Variants in ATP10A observed in about 807,000 individuals in gnomAD.
The protein encoded by ATP10A is ATPase phospholipid transporting 10A (putative), also known as phospholipid-transporting ATPase VA.
ATP10A carries 111 observed loss-of-function variants against 147.8 expected under a neutral mutation model. The observed-to-expected ratio is 0.75, with a 90% confidence interval of 0.64 to 0.88. The LOEUF is 0.88. ATP10A is among the 40% of genes least tolerant of loss of function. ATP10A has a pLI of 0.00. For synonymous variants in ATP10A, 875 were observed against 841.6 expected, an observed-to-expected ratio of 1.04 and a Z score of -0.69; for missense variants, 1,927 against 1,959.0, an observed-to-expected ratio of 0.98 and a Z score of 0.31.
At chr15:25,727,089 A>C (rs1902623689) in intron 4 of ATP10A, 71 bp downstream of exon 4, 1 of 1,185,264 alleles carries the variant, frequency 8.4e-7, no homozygotes, top group African/African-American at 1.6e-5. Context: ...AAAGAAAAGA[A>C]AACAGTGAGG....
At chr15:25,768,683 A>ATTTTTTTTTTTTTTT (rs143608940) in intron 2 of ATP10A, among the ~76,000 whole-genome samples, 1 of 89,646 alleles carries the variant, frequency 1.1e-5, no homozygotes, top group Non-Finnish European at 2.1e-5. Context: ...AGCTGGGCTA[A>ATTTTTTTTTTTTTTT]TTTTTTTTTT....
chr15:25,679,753 G>T lies in ATP10A; in HGVS notation c.4088C>A (p.Ser1363Tyr). 2 of 1,613,410 alleles carry T rather than the reference G, an allele frequency of 1.2e-6. No homozygotes were observed. Among genetic ancestry groups the T allele is most frequent in the Non-Finnish European group, 1.7e-6 (2 of 1,179,988 alleles). ...PSWHTQQPVC[S>Y]LEASGEPSTV... ...GCTGGGCTCCCCGCTGGCCTCCAGGGAGCAGACCGGCTGCTGTGTGTGCCA... is the reference window on the plus strand; with the variant it reads ...GCTGGGCTCCCCGCTGGCCTCCAGGTAGCAGACCGGCTGCTGTGTGTGCCA... Residue 1363 changes from serine to tyrosine, a missense_variant, in exon 21 of 21, where the codon TCC becomes TAC. By Grantham distance (144) the Ser-to-Tyr change is moderately radical (BLOSUM62 -2). Transcript: ENST00000555815.
At chr15:25,686,943 G>T (rs1899729304) in intron 16 of ATP10A, among the ~76,000 whole-genome samples, 2 of 108,292 alleles carry the variant, frequency 1.8e-5, no homozygotes, top group South Asian at 6.1e-4. Flanking sequence ...CAGCCAATCT[G>T]CCCTGGGTGT....
intron 2 of ATP10A, among the ~76,000 whole-genome samples, chr15:25,736,751 G>A (rs1887310101): frequency 6.6e-6 from 1 of 152,158 alleles, no homozygotes; most frequent in Non-Finnish European, 1.5e-5. Context: ...TAGGAGTGGG[G>A]GGAAGGAGGA....
intron 1 of ATP10A, among the ~76,000 whole-genome samples, chr15:25,846,186 CA>C (rs1893017626): frequency 6.6e-6 from 1 of 152,056 alleles, no homozygotes; most frequent in Admixed American, 6.5e-5. Flanking sequence ...TTCACGGGCA[CA>C]AAGTTTCCGT....
intron 2 of ATP10A, among the ~76,000 whole-genome samples, chr15:25,777,886 A>G (rs529432550): frequency 1.9e-4 from 28 of 148,598 alleles, no homozygotes; most frequent in African/African-American, 6.7e-4. Context: ...TGCTGGGATT[A>G]TGGGCGTGAG....
intron 12 of ATP10A, among the ~76,000 whole-genome samples, chr15:25,703,764 C>A (rs894746139): frequency 6.6e-6 from 1 of 152,234 alleles, no homozygotes; most frequent in African/African-American, 2.4e-5. Flanking sequence ...ATCACCAGCA[C>A]CCCAGAAGAC....
At chr15:25,748,979 C>T (rs186204192) in intron 2 of ATP10A, among the ~76,000 whole-genome samples, 174 of 145,348 alleles carry the variant, frequency 1.2e-3, no homozygotes, top group African/African-American at 4.1e-3. Flanking sequence ...GGGAGAATTG[C>T]TTGAAACTGA....
intron 14 of ATP10A, among the ~76,000 whole-genome samples, chr15:25,694,571 G>A (rs1311688059): frequency 6.6e-6 from 1 of 152,242 alleles, no homozygotes; most frequent in African/African-American, 2.4e-5. Context: ...GCTCCATCTT[G>A]TTGCCGTAAA....
chr15:25,723,776 A>G (rs1181787850), intron 6 of ATP10A, 115 bp downstream of exon 6: 31 of 892,918 alleles, frequency 3.5e-5, no homozygotes, highest in Non-Finnish European at 4.7e-5. Context: ...CCAGGTAGAT[A>G]TATTTGCCAT....
rs755831799 is a variant in ATP10A, at chr15:25,695,102, C to T, written c.2805G>A (p.Gln935=). 6.2e-7 allele frequency: 1 copy of T among 1,614,130 alleles called. No individual in the cohort carries two copies. Among genetic ancestry groups the T allele is most frequent in the Non-Finnish European group, 8.5e-7 (1 of 1,180,008 alleles). ...ALLDQCLCYV[Q]SRGLQRAPEK... ...CAGGGGCTCTCTGGAGGCCTCTGGA[C>T]TGCACGTAGCATAGGCACTGGTCTA... Residue 935 remains glutamine, a synonymous_variant, in exon 14 of 21, where the codon CAG becomes CAA. Transcript: ENST00000555815.
At position 25,828,103 on chromosome 15, in the gene ATP10A, T is replaced by C. The variant is rs900455112; in HGVS notation, c.449+34545A>G. ...AAAAGGTCAATCCATCAGAAGGCCA[T>C]AACAATTATAAGCAAAAATGAAGCT... On this transcript the variant is annotated intron_variant, in intron 1 of 20. Transcript: ENST00000555815. 3.3e-5 allele frequency among the ~76,000 whole-genome samples: 5 copies of C among 152,098 alleles called. No individual in the cohort carries two copies. In the East Asian group the frequency reaches 9.6e-4, roughly 29 times the overall value.
At chr15:25,813,931 T>C (rs1596940829) in intron 1 of ATP10A, among the ~76,000 whole-genome samples, 1 of 152,134 alleles carries the variant, frequency 6.6e-6, no homozygotes, top group East Asian at 1.9e-4. Flanking sequence ...TATCTGTAAA[T>C]TCAAGTTTGG....
intron 10 of ATP10A, 79 bp downstream of exon 10, chr15:25,713,595 A>G (rs1279071988): frequency 7.3e-7 from 1 of 1,361,528 alleles, no homozygotes; most frequent in Non-Finnish European, 1.0e-6. Context: ...CACTTTACTC[A>G]AGAGAAGGAA....
chr15:25,857,947 T>C (rs117988510), intron 1 of ATP10A, among the ~76,000 whole-genome samples: 5,338 of 152,216 alleles, frequency 0.035, 111 homozygotes, highest in Non-Finnish European at 0.048. Context: ...ATTGTGCATA[T>C]AGAACATTTG....
intron 1 of ATP10A, among the ~76,000 whole-genome samples, chr15:25,796,050 G>A (rs916991934): frequency 1.3e-5 from 2 of 152,174 alleles, no homozygotes; most frequent in Non-Finnish European, 2.9e-5. Context: ...CTGCAGAACC[G>A]TGAGCCAAAT....
upstream of ATP10A, among the ~76,000 whole-genome samples, chr15:25,864,827 T>C (rs1893918374): frequency 6.6e-6 from 1 of 152,092 alleles, no homozygotes; most frequent in African/African-American, 2.4e-5. Flanking sequence ...CTCCGTGTTT[T>C]CCTCTACCAG....
chr15:25,817,037 T>G (rs1454988882), intron 1 of ATP10A, among the ~76,000 whole-genome samples: 1 of 152,188 alleles, frequency 6.6e-6, no homozygotes, highest in Non-Finnish European at 1.5e-5. Context: ...CTATCTATAA[T>G]GCAACTTTCT....
intron 1 of ATP10A, among the ~76,000 whole-genome samples, chr15:25,859,727 T>C (rs548346990): frequency 6.6e-6 from 1 of 152,148 alleles, no homozygotes; most frequent in Non-Finnish European, 1.5e-5. Context: ...AAGCTACATT[T>C]CTAACAGGCT....
Sources: allele counts gnomAD v4.1 joint callset (sites outside exome capture counted in the v4.1 genomes callset), GRCh38; gene constraint gnomAD v4.1.1; transcripts MANE v1.5; gene names NCBI Gene and HGNC (gene_info 2026-07-23, HGNC 2026-07-21).